Variants in AGBL1 observed in about 807,000 individuals in gnomAD.
AGBL1 encodes the protein cytosolic carboxypeptidase 4.
In AGBL1, 130 loss-of-function variants were observed where a neutral mutation model predicts 118.9. The ratio of observed to expected loss-of-function variants is 1.09; its 90% CI spans 0.95 to 1.26. AGBL1 has a LOEUF of 1.26. Ranked by LOEUF, AGBL1 falls within the 50% of genes most tolerant of loss-of-function variation. AGBL1 has a pLI of 0.00. For synonymous variants in AGBL1, 555 were observed against 478.9 expected (o/e 1.16, Z -2.08); for missense variants, 1,584 against 1,298.1 (o/e 1.22, Z -3.38).
chr15:86,419,631 A>G (rs972533133), intron 18 of AGBL1, among the ~76,000 whole-genome samples: 1 of 151,914 alleles, frequency 6.6e-6, no homozygotes, highest in African/African-American at 2.4e-5. Context: ...ACTCCCCTGG[A>G]AAAGAGGCTG....
intron 21 of AGBL1, among the ~76,000 whole-genome samples, chr15:86,635,371 C>T (rs1390982029): frequency 1.4e-5 from 2 of 145,324 alleles, no homozygotes; most frequent in African/African-American, 5.2e-5. Context: ...CCTTCTCTTG[C>T]CCCTCCTCTT....
intron 21 of AGBL1, among the ~76,000 whole-genome samples, chr15:86,670,004 C>T (rs2085712446): frequency 6.6e-6 from 1 of 152,138 alleles, no homozygotes; most frequent in Admixed American, 6.5e-5. Flanking sequence ...ATTTTAATAG[C>T]TTCCTTATAT....
intron 23 of AGBL1, among the ~76,000 whole-genome samples, chr15:86,954,458 C>A (rs1204546469): frequency 6.6e-6 from 1 of 152,146 alleles, no homozygotes; most frequent in Non-Finnish European, 1.5e-5. Flanking sequence ...CACCATGGAA[C>A]ACTGTGCAGC....
At chr15:86,575,217 G>A (rs1396399275) in intron 21 of AGBL1, among the ~76,000 whole-genome samples, 1 of 151,698 alleles carries the variant, frequency 6.6e-6, no homozygotes, top group Admixed American at 6.6e-5. Context: ...ATTGCACATG[G>A]GCTGGGTGTG....
chr15:86,811,651 T>C (rs1343773939), intron 22 of AGBL1, among the ~76,000 whole-genome samples: 1 of 152,166 alleles, frequency 6.6e-6, no homozygotes, highest in African/African-American at 2.4e-5. Context: ...CTTAGTTTCC[T>C]AGGATTTTAG....
intron 7 of AGBL1, among the ~76,000 whole-genome samples, chr15:86,249,706 C>T (rs2078779224): frequency 6.6e-6 from 1 of 152,250 alleles, no homozygotes; most frequent in South Asian, 2.1e-4. Flanking sequence ...TTCCTCTGCC[C>T]TCCATGTTAT....
At chr15:86,125,814 C>T (rs1328671329) in intron 1 of AGBL1, among the ~76,000 whole-genome samples, 3 of 152,172 alleles carry the variant, frequency 2.0e-5, no homozygotes, top group East Asian at 1.9e-4. Flanking sequence ...AGTGGAATTC[C>T]GGAAAACAGG....
At chr15:86,288,733 T>C (rs1224311451) in intron 16 of AGBL1, among the ~76,000 whole-genome samples, 1 of 152,126 alleles carries the variant, frequency 6.6e-6, no homozygotes, top group Non-Finnish European at 1.5e-5. Context: ...AAAAACAATA[T>C]TGTTCAAATA....
intron 21 of AGBL1, among the ~76,000 whole-genome samples, chr15:86,594,715 A>AT (rs2084383111): frequency 6.6e-6 from 1 of 152,172 alleles, no homozygotes; most frequent in African/African-American, 2.4e-5. Flanking sequence ...AGTAAAATCT[A>AT]TTTTTTAAAA....
rs187926264 is a variant in AGBL1 at position 86,089,730 on chromosome 15, C to T, written c.51+9707C>T. Among the ~76,000 whole-genome samples, 68 of 152,262 alleles carry T rather than the reference C, an allele frequency of 4.5e-4. 2 individuals carry two copies. In the East Asian group the frequency reaches 9.1e-3, roughly 20 times the overall value. Reference sequence around the variant, plus strand: ...AGCTCAATGCCCTACAGTTTCGACCCAGAGCATCTATATCCCAGCCCTCTA... The same window carrying T: ...AGCTCAATGCCCTACAGTTTCGACCTAGAGCATCTATATCCCAGCCCTCTA... On this transcript the variant is annotated intron_variant, in intron 1 of 22. Coordinates refer to ENST00000614907, the MANE Select transcript of AGBL1 (RefSeq NM_001386094.1).
intron 18 of AGBL1, among the ~76,000 whole-genome samples, chr15:86,440,157 A>C (rs2082045773): frequency 6.6e-6 from 1 of 152,236 alleles, no homozygotes; most frequent in East Asian, 1.9e-4. Context: ...GCTGAATAAT[A>C]ATGAAAGAAA....
At chr15:86,843,427 G>C (rs1389419682) in intron 22 of AGBL1, among the ~76,000 whole-genome samples, 1 of 152,128 alleles carries the variant, frequency 6.6e-6, no homozygotes, top group East Asian at 1.9e-4. Context: ...GTATGAAAAA[G>C]AGATAGGGGT....
At chr15:86,873,353 A>G (rs1178627173) in intron 22 of AGBL1, among the ~76,000 whole-genome samples, 3 of 152,316 alleles carry the variant, frequency 2.0e-5, no homozygotes, top group South Asian at 4.1e-4. Flanking sequence ...ATTGAATGCC[A>G]TAAGATATTA....
intron 22 of AGBL1, among the ~76,000 whole-genome samples, chr15:86,688,276 G>A (rs1284241408): frequency 6.6e-6 from 1 of 151,884 alleles, no homozygotes; most frequent in African/African-American, 2.4e-5. Flanking sequence ...GGAGGAGAAG[G>A]GTGGGGAGGA....
chr15:86,329,437 C>G (rs934511332), intron 17 of AGBL1, among the ~76,000 whole-genome samples: 15 of 152,214 alleles, frequency 9.9e-5, no homozygotes, highest in Non-Finnish European at 1.8e-4. Flanking sequence ...GCAGAGGGGC[C>G]CTCTCTGTTC....
rs1488562973 is a variant in AGBL1 at position 86,271,505 on chromosome 15, T to C, written c.1988-114T>C. ...ATCTGCAAATCTCTTTGGCGATATATAGTTAACAGTCACAGTTTCCAGGGA... is the reference window on the plus strand; with the variant it reads ...ATCTGCAAATCTCTTTGGCGATATACAGTTAACAGTCACAGTTTCCAGGGA... On this transcript the variant is annotated intron_variant, in intron 14 of 22. Coordinates refer to ENST00000614907, the MANE Select transcript of AGBL1 (RefSeq NM_001386094.1). 9.9e-6 allele frequency: 8 copies of C among 809,834 alleles called. No individual in the cohort carries two copies. In the East Asian group the frequency reaches 1.5e-4, roughly 15 times the overall value. 50.2% of individuals were successfully genotyped at this position (809,834 alleles called of 1,614,324 possible). A position where few individuals can be genotyped will look rare whatever the true frequency, so the allele number is the denominator to read the frequency against.
At chr15:87,016,923 G>T (rs963845711) in intron 24 of AGBL1, among the ~76,000 whole-genome samples, 1 of 152,168 alleles carries the variant, frequency 6.6e-6, no homozygotes. Context: ...AGCCACTGGG[G>T]CACACACAGA....
At chr15:86,629,398 C>T (rs1043843534) in intron 21 of AGBL1, among the ~76,000 whole-genome samples, 2 of 152,054 alleles carry the variant, frequency 1.3e-5, no homozygotes, top group East Asian at 1.9e-4. Context: ...TGGCATGAGT[C>T]TTATGATTAT....
chr15:86,530,281 A>C (rs1350985884), intron 19 of AGBL1, among the ~76,000 whole-genome samples: 8 of 112,578 alleles, frequency 7.1e-5, no homozygotes, highest in Non-Finnish European at 1.3e-4. Context: ...AAGCCAATGG[A>C]AAACAAAAAA....
Sources: gnomAD v4.1 joint callset for allele counts (sites outside exome capture counted in the v4.1 genomes callset) on GRCh38, gnomAD v4.1.1 for gene constraint, MANE v1.5 for transcripts, NCBI Gene and HGNC (gene_info 2026-07-23, HGNC 2026-07-21) for gene names.